The following ITCH variants were observed in gnomAD, a reference collection of about 807,000 sequenced individuals.
ITCH encodes E3 ubiquitin-protein ligase Itchy homolog.
In ITCH, 28 loss-of-function variants were observed where a neutral mutation model predicts 126.8. That is an observed-to-expected ratio of 0.22 (90% CI 0.16 to 0.30). The LOEUF is 0.30. Ranked by LOEUF, ITCH falls within the 10% of genes least tolerant of loss-of-function variation. ITCH has a pLI of 1.00. For synonymous variants in ITCH, 342 were observed against 340.0 expected (o/e 1.01, Z -0.06); for missense variants, 631 against 1,032.4 (o/e 0.61, Z 5.33).
At chr20:34,497,119 C>T (rs1405341452) in intron 23 of ITCH, among the ~76,000 whole-genome samples, 2 of 151,926 alleles carry the variant, frequency 1.3e-5, no homozygotes, top group Non-Finnish European at 2.9e-5. Flanking sequence ...GCCTTAGCCT[C>T]CTGAGTAGCT....
At chr20:34,497,428 A>G (rs1989961581) in intron 23 of ITCH, among the ~76,000 whole-genome samples, 1 of 152,122 alleles carries the variant, frequency 6.6e-6, no homozygotes, top group African/African-American at 2.4e-5. Context: ...TGGTTACTAT[A>G]GCTTTGTTGT....
intron 2 of ITCH, among the ~76,000 whole-genome samples, chr20:34,382,371 T>C (rs2038096464): frequency 6.6e-6 from 1 of 152,198 alleles, no homozygotes; most frequent in South Asian, 2.1e-4. Context: ...TACATATTAC[T>C]CAGTGACTCA....
At chr20:34,413,618 GT>G (rs1370606303) in intron 5 of ITCH, 123 bp from the exon 6 acceptor site, 1 of 867,110 alleles carries the variant, frequency 1.2e-6, no homozygotes, top group Non-Finnish European at 1.7e-6. Context: ...TAGTTAAACA[GT>G]TTATATGCAC....
At chr20:34,504,295 T>C in intron 23 of ITCH, 36 bp from the exon 24 acceptor site, 1 of 1,493,644 alleles carries the variant, frequency 6.7e-7, no homozygotes, top group Non-Finnish European at 9.3e-7. Flanking sequence ...AGATCCACTA[T>C]ACTAACAAAC....
rs762199232 is a variant in ITCH, at chr20:34,507,625, T to C, written c.2490-70T>C. The C allele has an allele frequency of 5.0e-4, 568 of 1,134,240 alleles. 1 individual carries two copies. The highest frequency in any genetic ancestry group is 7.4e-4 in the South Asian group (59 of 79,922). The allele number at this position is 1,134,240 out of a possible 1,614,324, so 70.3% of individuals were successfully genotyped here. A position where few individuals can be genotyped will look rare whatever the true frequency, so the allele number is the denominator to read the frequency against. On this transcript the variant is annotated intron_variant, in intron 24 of 24. Transcript: ENST00000374864. The stretch of plus-strand genomic sequence containing the variant: ...TGTGCTTCTATAGTAGTGTATAAAG[T>C]AGTATACTACACTACTCATTTGATT...
At chr20:34,436,527 A>G (rs1983028278) in intron 7 of ITCH, among the ~76,000 whole-genome samples, 1 of 152,246 alleles carries the variant, frequency 6.6e-6, no homozygotes, top group African/African-American at 2.4e-5. Context: ...CTCTTCCTGC[A>G]TTCAGACCAT....
chr20:34,404,817 A>C (rs2039002193), intron 3 of ITCH, among the ~76,000 whole-genome samples: 1 of 152,030 alleles, frequency 6.6e-6, no homozygotes, highest in Admixed American at 6.6e-5. Context: ...AAATACTAAA[A>C]TTGGTGCTCC....
intron 13 of ITCH, among the ~76,000 whole-genome samples, chr20:34,461,239 A>G (rs947255689): frequency 6.6e-6 from 1 of 152,236 alleles, no homozygotes; most frequent in Non-Finnish European, 1.5e-5. Context: ...AGTGAATGCC[A>G]TATGAAGAAC....
chr20:34,445,266 T>TG (rs768157972), intron 10 of ITCH, 21 bp from the exon 11 acceptor site: 13 of 1,594,980 alleles, frequency 8.2e-6, no homozygotes, highest in African/African-American at 5.4e-5. Context: ...GCTTGTTTTT[T>TG]TTTTTTTTTT....
chr20:34,479,937 C>CTCA, intron 18 of ITCH, 148 bp downstream of exon 18: 1 of 743,540 alleles, frequency 1.3e-6, no homozygotes, highest in Non-Finnish European at 2.3e-6. Context: ...CTTGCTCTGT[C>CTCA]ACCCAGGCTG....
At chr20:34,476,220 A>C in intron 16 of ITCH, 1 of 804,146 alleles carries the variant, frequency 1.2e-6, no homozygotes, top group Non-Finnish European at 2.3e-6. Context: ...GAGAATCACC[A>C]ACTTTTCCTT....
intron 16 of ITCH, among the ~76,000 whole-genome samples, chr20:34,474,899 C>T (rs1428745688): frequency 1.3e-5 from 2 of 151,564 alleles, no homozygotes; most frequent in African/African-American, 2.4e-5. Flanking sequence ...ACTTCTCAGA[C>T]GGGGCGGTTG....
intron 6 of ITCH, among the ~76,000 whole-genome samples, chr20:34,419,952 A>G (rs1191734661): frequency 6.6e-6 from 1 of 152,038 alleles, no homozygotes; most frequent in Non-Finnish European, 1.5e-5. Context: ...ACAGTGATAC[A>G]TTGAACATTT....
chr20:34,375,696 A>ATC (rs1679424028), intron 2 of ITCH, among the ~76,000 whole-genome samples: 1 of 65,524 alleles, frequency 1.5e-5, no homozygotes, highest in Non-Finnish European at 2.7e-5. Flanking sequence ...GGTAGTTAAA[A>ATC]TTTTTTTTTT....
At chr20:34,464,322 C>CTTT (rs1440765809) in intron 14 of ITCH, among the ~76,000 whole-genome samples, 3 of 128,762 alleles carry the variant, frequency 2.3e-5, no homozygotes, top group African/African-American at 5.7e-5. Context: ...TTCTTTCTTT[C>CTTT]TTTTTTTTTT....
At chr20:34,464,519 G>A (rs1381425458) in intron 14 of ITCH, among the ~76,000 whole-genome samples, 1 of 151,746 alleles carries the variant, frequency 6.6e-6, no homozygotes, top group East Asian at 1.9e-4. Context: ...AGAAGACAGG[G>A]TTTCTCCTTG....
At chr20:34,364,724 C>CA (rs1171765663) in intron 1 of ITCH, among the ~76,000 whole-genome samples, 1,294 of 45,570 alleles carry the variant, frequency 0.028, 61 homozygotes, top group East Asian at 0.044. Flanking sequence ...ACTAAAAATA[C>CA]AAAAAAAAAA....
chr20:34,466,626 TAAGATAGAAG>T (rs1987096111), intron 14 of ITCH, among the ~76,000 whole-genome samples: 1 of 152,180 alleles, frequency 6.6e-6, no homozygotes, highest in African/African-American at 2.4e-5. Context: ...GTGGTTTATG[TAAGATAGAAG>T]TGTATTTGTC....
intron 3 of ITCH, among the ~76,000 whole-genome samples, chr20:34,397,211 C>T (rs1007805701): frequency 2.0e-5 from 3 of 152,038 alleles, no homozygotes; most frequent in Admixed American, 6.6e-5. Flanking sequence ...TTAATAGAGA[C>T]GAGGTTTCAC....
Sources: gnomAD v4.1 joint callset for allele counts (sites outside exome capture counted in the v4.1 genomes callset) on GRCh38, gnomAD v4.1.1 for gene constraint, MANE v1.5 for transcripts, NCBI Gene and HGNC (gene_info 2026-07-23, HGNC 2026-07-21) for gene names.